The following B3GALT1 variants were observed in gnomAD, a reference collection of about 807,000 sequenced individuals.
B3GALT1 encodes the protein UDP-Gal:betaGlcNAc beta 1,3-galactosyltransferase, polypeptide 1.
In B3GALT1, 10 loss-of-function variants were observed where a neutral mutation model predicts 23.2. That is an observed-to-expected ratio of 0.43 (90% confidence interval 0.27 to 0.73). The LOEUF (loss-of-function observed/expected upper bound fraction) is 0.73. Among genes scored for constraint, B3GALT1 ranks in the 30% least tolerant of loss-of-function variants. The pLI, the probability that B3GALT1 is intolerant of heterozygous loss-of-function variation, is 0.21. For synonymous variants in B3GALT1, 156 were observed against 141.5 expected (o/e 1.10, Z -0.73); for missense variants, 299 against 405.4 (o/e 0.74, Z 2.25).
intron 1 of B3GALT1, among the ~76,000 whole-genome samples, chr2:167,303,635 A>G (rs1179387508): frequency 1.5e-5 from 1 of 67,582 alleles, no homozygotes; most frequent in Non-Finnish European, 3.7e-5. Context: ...GCTCTTGGAA[A>G]CACACACATA....
At chr2:167,543,165 G>A (rs539252811) in intron 2 of B3GALT1, among the ~76,000 whole-genome samples, 31 of 152,142 alleles carry the variant, frequency 2.0e-4, no homozygotes, top group African/African-American at 7.5e-4. Flanking sequence ...AGAACTATGG[G>A]ATTTATCCTG....
chr2:167,690,922 TCA>T (rs1044146365), intron 3 of B3GALT1, among the ~76,000 whole-genome samples: 4 of 152,134 alleles, frequency 2.6e-5, no homozygotes, highest in African/African-American at 9.6e-5. Context: ...AAAATTTTCA[TCA>T]GTTTTTAACT....
intron 1 of B3GALT1, among the ~76,000 whole-genome samples, chr2:167,428,327 C>T (rs1428051204): frequency 6.6e-6 from 1 of 152,114 alleles, no homozygotes; most frequent in Admixed American, 6.5e-5. Flanking sequence ...ACTTGGAAGG[C>T]CCTGTGGCAT....
intron 2 of B3GALT1, among the ~76,000 whole-genome samples, chr2:167,563,226 C>A (rs1574139533): frequency 6.8e-6 from 1 of 146,478 alleles, no homozygotes; most frequent in South Asian, 2.2e-4. Context: ...GCAGGTGCAG[C>A]CGGGCAGAGG....
rs397870339 is a variant in B3GALT1 at position 167,871,891 on chromosome 2, C to CTTTTTTT, written c.*1893_*1899dup. Reference sequence around the variant, plus strand: ...AGAGTGTACCTTTTTTATTTATTTACTTTTTTTTTTTTTTTTTTTTTTTTT... The same window carrying CTTTTTTT: ...AGAGTGTACCTTTTTTATTTATTTACTTTTTTTTTTTTTTTTTTTTTTTTTTTTTTTT... On this transcript the variant is annotated 3_prime_UTR_variant, in exon 5 of 5. Transcript: ENST00000392690. 2.1e-4 allele frequency: 13 copies of CTTTTTTT among 62,464 alleles called. No individual in the cohort carries two copies. The highest frequency in any genetic ancestry group is 7.6e-4 in the South Asian group (1 of 1,320). The allele number at this position is 62,464 out of a possible 1,614,324, so 3.9% of individuals were successfully genotyped here.
chr2:167,620,398 C>A (rs1685235372), intron 2 of B3GALT1, among the ~76,000 whole-genome samples: 1 of 152,072 alleles, frequency 6.6e-6, no homozygotes, highest in Non-Finnish European at 1.5e-5. Flanking sequence ...TTGTACAGAT[C>A]TTTGTAGGCT....
intron 1 of B3GALT1, among the ~76,000 whole-genome samples, chr2:167,303,094 AAG>A (rs1195086542): frequency 2.6e-5 from 4 of 152,208 alleles, no homozygotes; most frequent in Non-Finnish European, 5.9e-5. Flanking sequence ...AAAAGAATAA[AAG>A]AGGAAAAAGA....
intron 3 of B3GALT1, among the ~76,000 whole-genome samples, chr2:167,684,576 A>G (rs1686585488): frequency 6.6e-6 from 1 of 152,212 alleles, no homozygotes; most frequent in Non-Finnish European, 1.5e-5. Context: ...TTCATATTTC[A>G]GGAAAAATAC....
intron 3 of B3GALT1, among the ~76,000 whole-genome samples, chr2:167,767,828 T>G (rs1347704383): frequency 3.3e-5 from 5 of 152,172 alleles, no homozygotes; most frequent in Non-Finnish European, 1.5e-5. Context: ...AAGAAATTTA[T>G]TATAAAGTTT....
At chr2:167,587,854 A>G (rs1210051302) in intron 2 of B3GALT1, among the ~76,000 whole-genome samples, 4 of 152,246 alleles carry the variant, frequency 2.6e-5, no homozygotes, top group Admixed American at 2.6e-4. Flanking sequence ...AAAATATTAT[A>G]CAACCTTTTG....
At chr2:167,613,960 T>C (rs544395096) in intron 2 of B3GALT1, among the ~76,000 whole-genome samples, 1 of 151,940 alleles carries the variant, frequency 6.6e-6, no homozygotes, top group East Asian at 1.9e-4. Context: ...CAAGAAAATA[T>C]TAATGTCATG....
chr2:167,529,842 T>C (rs1683291165), intron 2 of B3GALT1, among the ~76,000 whole-genome samples: 1 of 152,024 alleles, frequency 6.6e-6, no homozygotes, highest in African/African-American at 2.4e-5. Context: ...TAGTCTCTTA[T>C]ATCATCTCCC....
At chr2:167,790,822 A>G (rs560944968) in intron 3 of B3GALT1, among the ~76,000 whole-genome samples, 14 of 152,220 alleles carry the variant, frequency 9.2e-5, no homozygotes, top group Admixed American at 5.2e-4. Context: ...TTTAATATCA[A>G]TTTTGCACCT....
At chr2:167,551,975 T>C (rs2105381359) in intron 2 of B3GALT1, among the ~76,000 whole-genome samples, 1 of 152,312 alleles carries the variant, frequency 6.6e-6, no homozygotes, top group East Asian at 1.9e-4. Context: ...TAAACAGACA[T>C]GGAGCATTTC....
intron 3 of B3GALT1, among the ~76,000 whole-genome samples, chr2:167,660,149 T>C (rs1215098017): frequency 6.6e-6 from 1 of 152,074 alleles, no homozygotes; most frequent in African/African-American, 2.4e-5. Context: ...TTATGCAGCA[T>C]GTTTAGGAAG....
chr2:167,812,815 A>G (rs1051641241), intron 3 of B3GALT1, among the ~76,000 whole-genome samples: 1 of 152,126 alleles, frequency 6.6e-6, no homozygotes. Flanking sequence ...CATCCTCTCA[A>G]TATCCCCTGT....
At chr2:167,544,281 A>G (rs984901478) in intron 2 of B3GALT1, among the ~76,000 whole-genome samples, 7 of 152,178 alleles carry the variant, frequency 4.6e-5, no homozygotes, top group Admixed American at 4.6e-4. Flanking sequence ...CAAGAAAAGG[A>G]CAATGGATTT....
At chr2:167,581,978 C>G (rs552348932) in intron 2 of B3GALT1, among the ~76,000 whole-genome samples, 1 of 152,286 alleles carries the variant, frequency 6.6e-6, no homozygotes, top group East Asian at 1.9e-4. Flanking sequence ...CTGCAATGTT[C>G]TTTCTCGGCT....
intron 1 of B3GALT1, among the ~76,000 whole-genome samples, chr2:167,439,519 T>C (rs565734538): frequency 8.7e-4 from 133 of 152,234 alleles, no homozygotes; most frequent in African/African-American, 3.1e-3. Context: ...GTCTTATTAT[T>C]GCTATATTTT....
Sources: allele counts gnomAD v4.1 joint callset (sites outside exome capture counted in the v4.1 genomes callset), GRCh38; gene constraint gnomAD v4.1.1; transcripts MANE v1.5; gene names NCBI Gene and HGNC (gene_info 2026-07-23, HGNC 2026-07-21).